The following ZNF586 variants were observed in gnomAD, a reference collection of about 807,000 sequenced individuals.
ZNF586 encodes zinc finger protein 586.
A neutral mutation model predicts 6.7 loss-of-function variants in ZNF586; 7 were observed. The ratio of observed to expected loss-of-function variants is 1.04; its 90% confidence interval spans 0.59 to 1.95. The LOEUF (loss-of-function observed/expected upper bound fraction) is 1.95, where lower values mean the gene tolerates loss of function less well. Ranked by LOEUF, ZNF586 falls within the 30% of genes most tolerant of loss-of-function variation. The pLI is 0.00. For missense variants in ZNF586, 442 were observed against 489.6 expected, an observed-to-expected ratio of 0.90 and a Z score of 0.92; for synonymous variants, 166 against 168.7, an observed-to-expected ratio of 0.98 and a Z score of 0.12.
chr19:57,770,353 G>T (rs1056498112), intron 1 of ZNF586, among the ~76,000 whole-genome samples: 1 of 151,950 alleles, frequency 6.6e-6, no homozygotes, highest in Non-Finnish European at 1.5e-5. Flanking sequence ...TCGAACTCCT[G>T]ACCTTAGGTG....
chr19:57,773,654 A>G (rs1987152792), intron 1 of ZNF586, among the ~76,000 whole-genome samples: 2 of 152,310 alleles, frequency 1.3e-5, no homozygotes, highest in South Asian at 4.1e-4. Context: ...TAGTTTGGCA[A>G]GTGACATAAT....
intron 1 of ZNF586, among the ~76,000 whole-genome samples, chr19:57,775,723 C>T (rs1200697297): frequency 6.6e-6 from 1 of 151,400 alleles, no homozygotes; most frequent in Non-Finnish European, 1.5e-5. Flanking sequence ...CTGTCTCAGG[C>T]TCCTGAGTAG....
rs1748726048 is a variant in ZNF586 at position 57,769,775 on chromosome 19, G to A, written c.-68G>A. 9 of 1,507,736 alleles carry A rather than the reference G, an allele frequency of 6.0e-6. No homozygotes were observed. Among genetic ancestry groups the A allele is most frequent in the Non-Finnish European group, 8.1e-6 (9 of 1,113,992 alleles). 93.4% of individuals were successfully genotyped at this position (1,507,736 alleles called of 1,614,324 possible). On this transcript the variant is annotated 5_prime_UTR_variant, in exon 1 of 3. Coordinates refer to ENST00000396154, the MANE Select transcript of ZNF586 (RefSeq NM_017652.4). The stretch of plus-strand genomic sequence containing the variant: ...GGATCTGAGGTTCGGCGACGCCGCT[G>A]GTCGCGACCCGGGACAGGACAACGA...
chr19:57,772,550 C>T (rs1987123293), intron 1 of ZNF586, among the ~76,000 whole-genome samples: 1 of 151,954 alleles, frequency 6.6e-6, no homozygotes, highest in African/African-American at 2.4e-5. Context: ...ATCAGGTTCC[C>T]ATGACCCCTT....
chr19:57,777,919 C>A (rs1157304248), intron 2 of ZNF586, among the ~76,000 whole-genome samples: 1 of 150,912 alleles, frequency 6.6e-6, no homozygotes, highest in Non-Finnish European at 1.5e-5. Flanking sequence ...CCACGCCCGG[C>A]TAATTTTTGG....
At position 57,779,307 on chromosome 19, in the gene ZNF586, G is replaced by A. The variant is rs748097567; in HGVS notation, c.720G>A (p.Gly240=). Residue 240 remains glycine (G), a synonymous_variant, in exon 3 of 3, where the codon GGG becomes GGA. Coordinates refer to ENST00000396154, the MANE Select transcript of ZNF586 (RefSeq NM_017652.4). The stretch of plus-strand genomic sequence containing the variant: ...GGCCTTATGAGTGCAGTGAATGTGG[G>A]AGATCCTTTGCTGAAAACTCCAGTC... ...GERPYECSEC[G]RSFAENSSLI... 1 of 1,614,052 alleles carries A rather than the reference G, an allele frequency of 6.2e-7. No individual in the cohort carries two copies. The highest frequency in any genetic ancestry group is 2.2e-5 in the East Asian group (1 of 44,870).
rs1284681684 is a variant in ZNF586 at position 57,780,585 on chromosome 19, T to G, written c.*789T>G. On this transcript the variant is annotated 3_prime_UTR_variant, in exon 3 of 3. Transcript: ENST00000396154. The stretch of plus-strand genomic sequence containing the variant: ...AAAGGCCTTGTTGCTTAAGACACCT[T>G]CAGTCTTTGCAGGAGGGCATGGAAG... 2 of 152,238 alleles carry G rather than the reference T, an allele frequency of 1.3e-5. No individual in the cohort carries two copies. Among genetic ancestry groups the G allele is most frequent in the African/African-American group, 4.8e-5 (2 of 41,464 alleles). 9.4% of individuals were successfully genotyped at this position (152,238 alleles called of 1,614,324 possible).
At position 57,775,971 on chromosome 19, in the gene ZNF586, G is replaced by A. The variant is rs144284632; in HGVS notation, c.37-572G>A. On this transcript the variant is annotated intron_variant, in intron 1 of 2. Transcript: ENST00000396154. ...TGAGTGGTGTCCTCTTCTCTCAAGC[G>A]CTGAGCATATTTGATTAATGAACTT... is the stretch of plus-strand genomic sequence containing the variant. Among the ~76,000 whole-genome samples the A allele has an allele frequency of 2.9e-3, 435 of 152,330 alleles. 2 individuals carry two copies. Among genetic ancestry groups the A allele is most frequent in the Middle Eastern group, 0.01 (3 of 294 alleles).
intron 1 of ZNF586, among the ~76,000 whole-genome samples, chr19:57,772,297 G>A (rs552776789): frequency 3.9e-5 from 6 of 152,186 alleles, no homozygotes; most frequent in African/African-American, 1.4e-4. Flanking sequence ...GCCATTCTGC[G>A]TGGAAAAAAA....
chr19:57,778,147 C>A (rs1987285286), intron 2 of ZNF586, among the ~76,000 whole-genome samples: 1 of 150,996 alleles, frequency 6.6e-6, no homozygotes. Context: ...TCTAGGCTCA[C>A]TGCAACCTCC....
intron 2 of ZNF586, 64 bp from the exon 3 acceptor site, chr19:57,778,687 T>A (rs765210648): frequency 6.8e-7 from 1 of 1,475,824 alleles, no homozygotes; most frequent in East Asian, 2.3e-5. Context: ...TCAGATACTC[T>A]TGTGGGTAGG....
intron 1 of ZNF586, chr19:57,774,779 A>C (rs1987186910): frequency 1.0e-6 from 1 of 984,416 alleles, no homozygotes; most frequent in African/African-American, 1.7e-5. Flanking sequence ...ACTGTGGATG[A>C]TGTCAGCCAC....
intron 2 of ZNF586, among the ~76,000 whole-genome samples, chr19:57,778,116 C>T (rs1424216180): frequency 7.0e-6 from 1 of 141,966 alleles, no homozygotes; most frequent in Non-Finnish European, 1.5e-5. Flanking sequence ...CTGTTGCCCA[C>T]GCTGGAGTGC....
intron 1 of ZNF586, among the ~76,000 whole-genome samples, chr19:57,775,600 C>CTTTTT (rs563657252): frequency 2.4e-4 from 30 of 122,770 alleles, no homozygotes; most frequent in African/African-American, 9.2e-4. Flanking sequence ...CCTGGTTGCT[C>CTTTTT]TTTTTTTTTT....
At chr19:57,772,318 T>A (rs1313483889) in intron 1 of ZNF586, among the ~76,000 whole-genome samples, 2 of 152,150 alleles carry the variant, frequency 1.3e-5, no homozygotes, top group Non-Finnish European at 2.9e-5. Context: ...TACAAATTGC[T>A]TTTGCTCTGC....
intron 1 of ZNF586, among the ~76,000 whole-genome samples, chr19:57,774,430 G>A (rs1987176371): frequency 6.6e-6 from 1 of 151,628 alleles, no homozygotes; most frequent in Non-Finnish European, 1.5e-5. Flanking sequence ...GGCTGAGGCA[G>A]GAGAATCACT....
chr19:57,776,406 C>T (rs549073355), intron 1 of ZNF586, 137 bp from the exon 2 acceptor site: 10 of 1,029,552 alleles, frequency 9.7e-6, no homozygotes, highest in South Asian at 7.0e-5. Flanking sequence ...CACAGTGGCA[C>T]TAGTGGGCAA....
intron 1 of ZNF586, among the ~76,000 whole-genome samples, chr19:57,773,240 C>G (rs1431477582): frequency 6.6e-6 from 1 of 152,008 alleles, no homozygotes; most frequent in African/African-American, 2.4e-5. Context: ...TCATGGCTCA[C>G]ATTTGGAAGG....
Position 57,779,831 on chromosome 19 carries a change from T to C in ZNF586, c.*35T>C, listed in dbSNP as rs775810475. On this transcript the variant is annotated 3_prime_UTR_variant, in exon 3 of 3. Coordinates refer to ENST00000396154, the MANE Select transcript of ZNF586 (RefSeq NM_017652.4). ...TGGAAATTCTCTTGCCCAGGCTTTT[T>C]GCTCCTTCAAGGCCAGAGAGTTCAC... 5 of 1,538,408 alleles carry C rather than the reference T, an allele frequency of 3.3e-6. No homozygotes were observed. In the Admixed American group the frequency reaches 7.9e-5, roughly 24 times the overall value.
Sources: allele counts gnomAD v4.1 joint callset (sites outside exome capture counted in the v4.1 genomes callset), GRCh38; gene constraint gnomAD v4.1.1; transcripts MANE v1.5; gene names NCBI Gene and HGNC (gene_info 2026-07-23, HGNC 2026-07-21).